STK3: variants seen among roughly 807,000 people sequenced by gnomAD.
The protein encoded by STK3 is serine/threonine kinase 3, also known as serine/threonine-protein kinase 3.
STK3 carries 41 observed loss-of-function variants against 58.0 expected under a neutral mutation model. The observed-to-expected ratio is 0.71, with a 90% CI of 0.55 to 0.92. The LOEUF (loss-of-function observed/expected upper bound fraction) is 0.92, where lower values mean the gene tolerates loss of function less well. Among genes scored for constraint, STK3 ranks in the 40% least tolerant of loss-of-function variants. The pLI is 0.00. For missense variants in STK3, 479 were observed against 602.7 expected (o/e 0.79, Z 2.15); for synonymous variants, 170 against 191.0 (o/e 0.89, Z 0.91).
chr8:98,369,961 G>A (rs1817595166), downstream of STK3, among the ~76,000 whole-genome samples: 1 of 152,070 alleles, frequency 6.6e-6, no homozygotes, highest in East Asian at 1.9e-4. Context: ...TATGTGTTGT[G>A]TGGCTTCAAT....
At chr8:98,554,015 G>C (rs778524270) in intron 8 of STK3, among the ~76,000 whole-genome samples, 1 of 151,558 alleles carries the variant, frequency 6.6e-6, no homozygotes, top group Non-Finnish European at 1.5e-5. Flanking sequence ...CTTAGGCAAA[G>C]GAACCTGAGG....
At chr8:98,714,111 G>A (rs1019251230) in intron 4 of STK3, among the ~76,000 whole-genome samples, 5 of 152,140 alleles carry the variant, frequency 3.3e-5, no homozygotes, top group Non-Finnish European at 7.3e-5. Context: ...AATAAATTAG[G>A]TATTGATGGG....
chr8:98,442,562 A>C (rs1818736729), intron 1 of STK3, among the ~76,000 whole-genome samples: 4 of 152,244 alleles, frequency 2.6e-5, no homozygotes, highest in Non-Finnish European at 5.9e-5. Context: ...CTGTTCCTAC[A>C]TCTGCATGTG....
At chr8:98,758,154 C>A (rs1014242924) in intron 3 of STK3, among the ~76,000 whole-genome samples, 8 of 152,308 alleles carry the variant, frequency 5.3e-5, no homozygotes, top group African/African-American at 1.9e-4. Context: ...GTGAGTCACA[C>A]AAATTTTTGT....
intron 10 of STK3, among the ~76,000 whole-genome samples, chr8:98,489,525 T>C (rs1384507139): frequency 6.6e-6 from 1 of 152,190 alleles, no homozygotes; most frequent in Non-Finnish European, 1.5e-5. Flanking sequence ...TACTATTATA[T>C]AGTAAAAAGT....
At chr8:98,371,401 A>C (rs1429933784) in exon 3 of STK3, 1 of 152,252 alleles carries the variant, frequency 6.6e-6, no homozygotes. Flanking sequence ...AGGAAAACCG[A>C]GGCTCCAAGA....
At chr8:98,923,024 T>C (rs1306174206) in intron 1 of STK3, among the ~76,000 whole-genome samples, 1 of 152,250 alleles carries the variant, frequency 6.6e-6, no homozygotes, top group African/African-American at 2.4e-5. Flanking sequence ...CCTCATTTCA[T>C]GTAGAGCACT....
In STK3 at chr8:98,650,576, C is replaced by T. The variant is rs1440917632; in HGVS notation, c.685-54407G>A. Among the ~76,000 whole-genome samples the T allele has an allele frequency of 3.3e-5, 5 of 152,242 alleles. No homozygotes were observed. The East Asian group carries it at 7.7e-4, about 23-fold the overall frequency. The stretch of plus-strand genomic sequence containing the variant: ...GGAAGCGCAAGGGGTCAGGGAGTCC[C>T]TTTCCTAGTCAAAGAAAGGGGTGAC... On this transcript the variant is annotated intron_variant, in intron 6 of 10. Transcript: ENST00000419617.
intron 1 of STK3, among the ~76,000 whole-genome samples, chr8:98,916,185 C>T (rs1839341575): frequency 2.0e-5 from 3 of 152,248 alleles, no homozygotes; most frequent in Non-Finnish European, 2.9e-5. Flanking sequence ...GAGACCGAGG[C>T]GAGTGGATCA....
At chr8:98,496,144 T>G (rs1823117388) in intron 10 of STK3, among the ~76,000 whole-genome samples, 1 of 152,190 alleles carries the variant, frequency 6.6e-6, no homozygotes, top group Admixed American at 6.5e-5. Flanking sequence ...CTTGCCAACA[T>G]GGAGCACAGT....
intron 6 of STK3, among the ~76,000 whole-genome samples, chr8:98,665,434 C>T (rs1365008926): frequency 6.6e-6 from 1 of 152,128 alleles, no homozygotes; most frequent in Non-Finnish European, 1.5e-5. Flanking sequence ...TCTTGCCCTG[C>T]TGCCTAGGCT....
intron 1 of STK3, among the ~76,000 whole-genome samples, chr8:98,783,147 T>C (rs925670514): frequency 3.9e-5 from 6 of 152,094 alleles, no homozygotes; most frequent in Admixed American, 3.9e-4. Flanking sequence ...ATACTGCAGG[T>C]TCAGTTCCAT....
chr8:98,720,583 T>C (rs1827328912), intron 4 of STK3, among the ~76,000 whole-genome samples: 1 of 151,986 alleles, frequency 6.6e-6, no homozygotes, highest in African/African-American at 2.4e-5. Context: ...ACCCCGTCTC[T>C]ACCAAAAGTA....
chr8:98,649,998 T>A (rs1820751782), intron 6 of STK3, among the ~76,000 whole-genome samples: 1 of 152,192 alleles, frequency 6.6e-6, no homozygotes. Flanking sequence ...CTACTTTTAA[T>A]TGATTACTTT....
At chr8:98,695,687 C>T (rs946870098) in intron 6 of STK3, among the ~76,000 whole-genome samples, 162 of 152,132 alleles carry the variant, frequency 1.1e-3, no homozygotes, top group South Asian at 4.8e-3. Flanking sequence ...GAGGGCTCTG[C>T]TCTGTTCCAT....
At chr8:98,402,875 T>G (rs1318802637) in intron 3 of STK3, among the ~76,000 whole-genome samples, 1 of 152,172 alleles carries the variant, frequency 6.6e-6, no homozygotes, top group Non-Finnish European at 1.5e-5. Flanking sequence ...GCATCTTCTC[T>G]GACCCCTTCC....
upstream of STK3, among the ~76,000 whole-genome samples, chr8:98,826,467 T>C (rs1423668786): frequency 3.3e-5 from 5 of 152,134 alleles, no homozygotes; most frequent in African/African-American, 1.2e-4. Flanking sequence ...CCAAATTCAG[T>C]TGCACTGGGC....
the STK3 span, among the ~76,000 whole-genome samples, chr8:98,345,256 A>G: frequency 6.6e-6 from 1 of 152,046 alleles, no homozygotes; most frequent in Non-Finnish European, 1.5e-5. Context: ...TCATGGAAAG[A>G]TGATCCCATA....
At chr8:98,463,489 ATAAGAT>A (rs1240368025) in intron 10 of STK3, among the ~76,000 whole-genome samples, 1 of 152,144 alleles carries the variant, frequency 6.6e-6, no homozygotes, top group Non-Finnish European at 1.5e-5. Flanking sequence ...AGGGTGGAAA[ATAAGAT>A]TAAATCAATT....
Sources: gnomAD v4.1 joint callset for allele counts (sites outside exome capture counted in the v4.1 genomes callset) on GRCh38, gnomAD v4.1.1 for gene constraint, MANE v1.5 for transcripts, NCBI Gene and HGNC (gene_info 2026-07-23, HGNC 2026-07-21) for gene names.